WDR70: variants seen among roughly 807,000 people sequenced by gnomAD.
WDR70 encodes the protein WD repeat-containing protein 70.
WDR70 carries 53 observed loss-of-function variants against 88.6 expected under a neutral mutation model. The observed-to-expected ratio is 0.60, with a 90% confidence interval of 0.48 to 0.75. The LOEUF (loss-of-function observed/expected upper bound fraction) is 0.75, where lower values mean the gene tolerates loss of function less well. WDR70 is among the 30% of genes least tolerant of loss of function. The pLI, the probability that WDR70 is intolerant of heterozygous loss-of-function variation, is 0.00. For missense variants in WDR70, 610 were observed against 823.2 expected, an observed-to-expected ratio of 0.74 and a Z score of 3.17; for synonymous variants, 280 against 270.0, an observed-to-expected ratio of 1.04 and a Z score of -0.36.
chr5:37,672,020 G>T (rs578220192), intron 10 of WDR70, among the ~76,000 whole-genome samples: 6 of 152,286 alleles, frequency 3.9e-5, no homozygotes, highest in African/African-American at 1.2e-4. Context: ...TGTAACTTTA[G>T]CCCCAACCCT....
intron 8 of WDR70, among the ~76,000 whole-genome samples, chr5:37,492,317 A>G (rs1036618425): frequency 1.6e-4 from 24 of 152,224 alleles, no homozygotes; most frequent in Non-Finnish European, 2.6e-4. Context: ...CATTATAATT[A>G]TATTTACTCA....
intron 5 of WDR70, among the ~76,000 whole-genome samples, chr5:37,412,197 G>C (rs1002941474): frequency 1.3e-5 from 2 of 152,066 alleles, no homozygotes; most frequent in Admixed American, 1.3e-4. Context: ...GACCAGCCTG[G>C]CCAACATGGT....
At chr5:37,471,585 T>C (rs939683831) in intron 7 of WDR70, among the ~76,000 whole-genome samples, 3 of 151,972 alleles carry the variant, frequency 2.0e-5, no homozygotes, top group Non-Finnish European at 4.4e-5. Context: ...TTGTGATGTC[T>C]TTTGGTGAAT....
chr5:37,545,518 ATTTTGTTTTTGT>A (rs1234982649), intron 9 of WDR70, among the ~76,000 whole-genome samples: 10 of 149,844 alleles, frequency 6.7e-5, no homozygotes, highest in East Asian at 2.0e-4. Context: ...TATTTATTTA[ATTTTGTTTTTGT>A]TTTTGTTTTT....
intron 9 of WDR70, among the ~76,000 whole-genome samples, chr5:37,563,674 C>T (rs1742628373): frequency 9.5e-6 from 1 of 105,390 alleles, no homozygotes. Flanking sequence ...CCCCACCTCC[C>T]TCCCGGACGG....
intron 5 of WDR70, among the ~76,000 whole-genome samples, chr5:37,397,693 A>G (rs1749061067): frequency 6.6e-6 from 1 of 152,146 alleles, no homozygotes; most frequent in Admixed American, 6.5e-5. Flanking sequence ...ATAAGTTTAC[A>G]ATTTTAAGAG....
chr5:37,510,014 G>A lies in WDR70; in HGVS notation c.841-6500G>A, dbSNP rs184037997. ...GAGGTTGAGGCTGCAGTGAGCTGTGGTGGTCGCACCATTGCACTTGAGCCT... is the reference window on the plus strand; with the variant it reads ...GAGGTTGAGGCTGCAGTGAGCTGTGATGGTCGCACCATTGCACTTGAGCCT... On this transcript the variant is annotated intron_variant, in intron 8 of 17. Coordinates refer to ENST00000265107, the MANE Select transcript of WDR70 (RefSeq NM_018034.4). 2.2e-3 allele frequency among the ~76,000 whole-genome samples: 330 copies of A among 151,366 alleles called. 1 individual carries two copies. Among genetic ancestry groups the A allele is most frequent in the Non-Finnish European group, 3.1e-3 (208 of 67,850 alleles).
chr5:37,704,655 TC>T (rs1303419154), intron 13 of WDR70, among the ~76,000 whole-genome samples: 2 of 152,244 alleles, frequency 1.3e-5, no homozygotes, highest in African/African-American at 4.8e-5. Flanking sequence ...AACTTTTTGT[TC>T]ACTGCAGTAT....
intron 10 of WDR70, among the ~76,000 whole-genome samples, chr5:37,626,810 T>C (rs936124387): frequency 4.6e-5 from 7 of 152,180 alleles, no homozygotes; most frequent in African/African-American, 1.4e-4. Context: ...GTAATTGGTC[T>C]ATTTGTGTTT....
At chr5:37,685,387 G>C (rs908772218) in intron 10 of WDR70, among the ~76,000 whole-genome samples, 1 of 152,030 alleles carries the variant, frequency 6.6e-6, no homozygotes, top group Non-Finnish European at 1.5e-5. Flanking sequence ...GCCACAGGGG[G>C]CTGCCCCACT....
chr5:37,494,762 C>T (rs1265731450), intron 8 of WDR70, among the ~76,000 whole-genome samples: 1 of 152,164 alleles, frequency 6.6e-6, no homozygotes, highest in East Asian at 1.9e-4. Context: ...TATCTTGTAA[C>T]AAGTCATCAG....
chr5:37,505,541 A>G (rs1173063284), intron 8 of WDR70: 3 of 625,058 alleles, frequency 4.8e-6, no homozygotes, highest in Non-Finnish European at 8.7e-6. Context: ...TCCCTTATGC[A>G]CCGCTGAGAG....
intron 9 of WDR70, among the ~76,000 whole-genome samples, chr5:37,551,559 C>T (rs1581386858): frequency 6.6e-6 from 1 of 151,678 alleles, no homozygotes; most frequent in Middle Eastern, 3.4e-3. Context: ...GAAACCCTGT[C>T]TCTACTAAAA....
chr5:37,639,925 C>T (rs1745061101), intron 10 of WDR70, among the ~76,000 whole-genome samples: 1 of 152,150 alleles, frequency 6.6e-6, no homozygotes, highest in Non-Finnish European at 1.5e-5. Flanking sequence ...ATTTTCACCA[C>T]AGCTCACTGA....
chr5:37,732,879 T>C (rs1362532363), intron 17 of WDR70, among the ~76,000 whole-genome samples: 5 of 152,076 alleles, frequency 3.3e-5, no homozygotes, highest in Non-Finnish European at 7.4e-5. Flanking sequence ...GGGTGCACTT[T>C]TGGGGTTTTA....
chr5:37,381,918 G>T, intron 3 of WDR70: 1 of 354,386 alleles, frequency 2.8e-6, no homozygotes, highest in South Asian at 2.3e-5. Flanking sequence ...GCTGGGCATG[G>T]TGCAGGGGCC....
At chr5:37,736,380 C>A (rs1748305184) in intron 17 of WDR70, among the ~76,000 whole-genome samples, 1 of 152,102 alleles carries the variant, frequency 6.6e-6, no homozygotes, top group African/African-American at 2.4e-5. Flanking sequence ...TATAAAGGAT[C>A]CATTTAAAGT....
rs1740932777 is a variant in WDR70 at position 37,517,754 on chromosome 5, G to A, written c.917+1164G>A. Among the ~76,000 whole-genome samples the A allele has an allele frequency of 1.3e-5, 2 of 151,120 alleles. 1 individual carries two copies. The highest frequency in any genetic ancestry group is 4.2e-4 in the South Asian group (2 of 4,812). ...TGAGATATTTTGATAGCCATGCAAT[G>A]CATAATAATCACATCATGTAAAATG... On this transcript the variant is annotated intron_variant, in intron 9 of 17. Coordinates refer to ENST00000265107, the MANE Select transcript of WDR70 (RefSeq NM_018034.4).
intron 7 of WDR70, among the ~76,000 whole-genome samples, chr5:37,463,511 T>A (rs1739073060): frequency 6.6e-6 from 1 of 152,112 alleles, no homozygotes; most frequent in Non-Finnish European, 1.5e-5. Flanking sequence ...CTTAAAAGGA[T>A]CCTCAATCTT....
Sources: allele counts gnomAD v4.1 joint callset (sites outside exome capture counted in the v4.1 genomes callset), GRCh38; gene constraint gnomAD v4.1.1; transcripts MANE v1.5; gene names NCBI Gene and HGNC (gene_info 2026-07-23, HGNC 2026-07-21).